MMP16: variants seen among roughly 807,000 people sequenced by gnomAD.
The protein encoded by MMP16 is matrix metalloproteinase-16.
Under a neutral mutation model 67.8 loss-of-function variants are expected in MMP16, and 12 were observed. The ratio of observed to expected loss-of-function variants is 0.18; its 90% CI spans 0.11 to 0.29. The LOEUF is 0.29. Among genes scored for constraint, MMP16 ranks in the 10% least tolerant of loss-of-function variants. MMP16 has a pLI of 1.00. For missense variants in MMP16, 475 were observed against 765.7 expected (o/e 0.62, Z 4.48); for synonymous variants, 249 against 255.9 (o/e 0.97, Z 0.26).
intron 3 of MMP16, among the ~76,000 whole-genome samples, chr8:88,184,563 GAAAAAAAAA>G (rs59310737): frequency 2.0e-3 from 22 of 10,936 alleles, no homozygotes; most frequent in African/African-American, 9.0e-3. Context: ...CTCTCTCTCT[GAAAAAAAAA>G]AAAAAAAAAA....
At chr8:88,310,768 T>C (rs1296631505) in intron 1 of MMP16, among the ~76,000 whole-genome samples, 7 of 152,112 alleles carry the variant, frequency 4.6e-5, no homozygotes, top group Admixed American at 4.6e-4. Context: ...TTCGCCCATA[T>C]GCCCCCAGGC....
intron 1 of MMP16, among the ~76,000 whole-genome samples, chr8:88,207,988 A>G (rs934331689): frequency 6.6e-6 from 1 of 152,200 alleles, no homozygotes; most frequent in Admixed American, 6.5e-5. Flanking sequence ...TTTTAGAAAA[A>G]GGTTTGGCTT....
chr8:88,323,798 C>A lies in MMP16; in HGVS notation c.132+3277G>T, dbSNP rs1811496291. Among the ~76,000 whole-genome samples, 3 of 151,156 alleles carry A rather than the reference C, an allele frequency of 2.0e-5. No individual in the cohort carries two copies. The South Asian group carries it at 6.3e-4, about 32-fold the overall frequency. ...GCTCACAGCATACCAAAAAAAAAAG[C>A]CACAGGATCATGAAAATCCCTATAT... On this transcript the variant is annotated intron_variant, in intron 1 of 9. Transcript: ENST00000286614.
intron 6 of MMP16, among the ~76,000 whole-genome samples, chr8:88,095,565 T>C (rs1809012124): frequency 6.6e-6 from 1 of 151,878 alleles, no homozygotes; most frequent in African/African-American, 2.4e-5. Context: ...GGAGCACCTA[T>C]TTTATTTATA....
At chr8:88,159,947 G>C (rs117616861) in intron 4 of MMP16, among the ~76,000 whole-genome samples, 5 of 145,776 alleles carry the variant, frequency 3.4e-5, no homozygotes, top group African/African-American at 1.0e-4. Flanking sequence ...TTGATTTGTT[G>C]TTTTTTTTTC....
intron 1 of MMP16, among the ~76,000 whole-genome samples, chr8:88,306,947 G>T (rs1811220130): frequency 6.6e-6 from 1 of 152,096 alleles, no homozygotes; most frequent in Non-Finnish European, 1.5e-5. Context: ...GCAAGAGAAA[G>T]GAATAAAGGT....
At chr8:88,310,030 A>C (rs1249225589) in intron 1 of MMP16, among the ~76,000 whole-genome samples, 1 of 152,136 alleles carries the variant, frequency 6.6e-6, no homozygotes, top group Non-Finnish European at 1.5e-5. Flanking sequence ...ACCTCCAGTG[A>C]AATACAAGTA....
At position 88,037,045 on chromosome 8, in the gene MMP16, T is replaced by G. The variant is rs892299114; in HGVS notation, c.*4416A>C. 1 of 151,214 alleles carries G rather than the reference T, an allele frequency of 6.6e-6. No individual in the cohort carries two copies. Among genetic ancestry groups the G allele is most frequent in the Non-Finnish European group, 1.5e-5 (1 of 67,648 alleles). The allele number at this position is 151,214 out of a possible 1,614,324, so 9.4% of individuals were successfully genotyped here. On this transcript the variant is annotated 3_prime_UTR_variant, in exon 10 of 10. Transcript: ENST00000286614. ...CATCCATTCCTCTTCAGATAGCACT[T>G]TGAGTTTAGTTAATATGGACACACT...
At chr8:88,096,752 C>T (rs952521019) in intron 6 of MMP16, among the ~76,000 whole-genome samples, 4 of 151,784 alleles carry the variant, frequency 2.6e-5, no homozygotes, top group African/African-American at 9.7e-5. Flanking sequence ...AAAGTCACAC[C>T]CTCTTCTGGC....
intron 4 of MMP16, among the ~76,000 whole-genome samples, chr8:88,136,480 C>T (rs965686798): frequency 2.0e-5 from 3 of 151,696 alleles, no homozygotes; most frequent in African/African-American, 7.3e-5. Flanking sequence ...AATCAATTCC[C>T]AGATCAAGAA....
intron 1 of MMP16, among the ~76,000 whole-genome samples, chr8:88,230,729 C>T (rs146352251): frequency 8.7e-4 from 132 of 152,192 alleles, no homozygotes; most frequent in African/African-American, 2.9e-3. Context: ...TTACTACCTT[C>T]TAAGAAATGT....
At chr8:88,275,090 C>A (rs960403501) in intron 1 of MMP16, among the ~76,000 whole-genome samples, 1 of 151,904 alleles carries the variant, frequency 6.6e-6, no homozygotes, top group African/African-American at 2.4e-5. Flanking sequence ...CAATGGTTAA[C>A]CAGACATTAC....
chr8:88,218,887 G>C (rs1447410294), intron 1 of MMP16, among the ~76,000 whole-genome samples: 1 of 151,932 alleles, frequency 6.6e-6, no homozygotes, highest in African/African-American at 2.4e-5. Context: ...AGACTCTTAA[G>C]AATTGGCTAA....
chr8:88,188,693 C>T (rs1432918890), intron 2 of MMP16, among the ~76,000 whole-genome samples: 4 of 146,960 alleles, frequency 2.7e-5, no homozygotes, highest in African/African-American at 1.0e-4. Context: ...TTGATCTTGT[C>T]GCCCAGGCTG....
rs143241292 is a variant in MMP16, at chr8:88,036,461, G to T, written c.*5000C>A. ...AATAATTAGCTTTCATATTTGTTGCGTTGCTATTCCTGGTTGCCGCTTTAT... is the reference window on the plus strand; with the variant it reads ...AATAATTAGCTTTCATATTTGTTGCTTTGCTATTCCTGGTTGCCGCTTTAT... On this transcript the variant is annotated 3_prime_UTR_variant, in exon 10 of 10. Coordinates refer to ENST00000286614, the MANE Select transcript of MMP16 (RefSeq NM_005941.5). 1 of 151,422 alleles carries T rather than the reference G, an allele frequency of 6.6e-6. No homozygotes were observed. Among genetic ancestry groups the T allele is most frequent in the South Asian group, 2.1e-4 (1 of 4,818 alleles). 9.4% of individuals were successfully genotyped at this position (151,422 alleles called of 1,614,324 possible).
At chr8:88,321,837 T>C (rs992681643) in intron 1 of MMP16, among the ~76,000 whole-genome samples, 5 of 152,124 alleles carry the variant, frequency 3.3e-5, no homozygotes, top group Non-Finnish European at 7.4e-5. Flanking sequence ...AAGTTACATG[T>C]CCAAGTTCAA....
chr8:88,186,268 A>G (rs1038800700), intron 3 of MMP16: 2 of 437,430 alleles, frequency 4.6e-6, no homozygotes, highest in Non-Finnish European at 7.8e-6. Context: ...AATAGTTTAC[A>G]AAAGAGCCCA....
intron 1 of MMP16, among the ~76,000 whole-genome samples, chr8:88,255,278 A>G (rs1034505267): frequency 6.6e-5 from 10 of 152,100 alleles, no homozygotes; most frequent in Non-Finnish European, 1.2e-4. Flanking sequence ...CTCTTTCACC[A>G]TGTAATACAC....
At chr8:88,059,237 C>T (rs1808367157) in intron 7 of MMP16, among the ~76,000 whole-genome samples, 1 of 151,920 alleles carries the variant, frequency 6.6e-6, no homozygotes, top group South Asian at 2.1e-4. Flanking sequence ...AAAGAGTAAC[C>T]AGAACTGGAC....
Sources: gnomAD v4.1 joint callset for allele counts (sites outside exome capture counted in the v4.1 genomes callset) on GRCh38, gnomAD v4.1.1 for gene constraint, MANE v1.5 for transcripts, NCBI Gene and HGNC (gene_info 2026-07-23, HGNC 2026-07-21) for gene names.